The following TRIP11 variants were observed in gnomAD, a reference collection of about 807,000 sequenced individuals.
TRIP11 encodes the protein thyroid receptor-interacting protein 11.
Under a neutral mutation model 223.1 loss-of-function variants are expected in TRIP11, and 148 were observed. That is an observed-to-expected ratio of 0.66 (90% CI 0.58 to 0.76). The LOEUF is 0.76. Ranked by LOEUF, TRIP11 falls within the 30% of genes least tolerant of loss-of-function variation. The pLI, the probability that TRIP11 is intolerant of heterozygous loss-of-function variation, is 0.00. For synonymous variants in TRIP11, 762 were observed against 772.6 expected (o/e 0.99, Z 0.23); for missense variants, 2,043 against 2,222.0 (o/e 0.92, Z 1.62).
intron 16 of TRIP11, among the ~76,000 whole-genome samples, chr14:91,982,222 A>AC (rs2056554095): frequency 6.6e-6 from 1 of 152,216 alleles, no homozygotes. Flanking sequence ...CTCTTCCTTT[A>AC]ACCCTTTATT....
Position 92,003,684 on chromosome 14 carries a change from G to A in TRIP11, c.4292C>T (p.Thr1431Ile). 6.2e-7 allele frequency: 1 copy of A among 1,614,120 alleles called. No homozygotes were observed. Among genetic ancestry groups the A allele is most frequent in the Non-Finnish European group, 8.5e-7 (1 of 1,180,022 alleles). The part of the protein sequence containing the change: ...DQLLSSNENF[T>I]NKVNENELLR... ...AAGTTCGTTTTCATTTACTTTGTTA[G>A]TGAAATTTTCATTGGAAGAAAGTAG... The change falls in exon 11 of 21, where the codon ACT becomes ATT. Residue 1431 changes from threonine to isoleucine, a missense_variant. By Grantham distance (89) the Thr-to-Ile change is moderately conservative. Coordinates refer to ENST00000267622, the MANE Select transcript of TRIP11 (RefSeq NM_004239.4).
At chr14:91,997,706 TAC>T (rs1161437548) in intron 13 of TRIP11, among the ~76,000 whole-genome samples, 6 of 151,938 alleles carry the variant, frequency 3.9e-5, no homozygotes, top group Non-Finnish European at 8.8e-5. Flanking sequence ...AAGTGAGTAA[TAC>T]AGTTTGGCTG....
At chr14:91,974,582 G>A in intron 19 of TRIP11, 45 bp downstream of exon 19, 3 of 1,373,926 alleles carry the variant, frequency 2.2e-6, no homozygotes, top group South Asian at 1.2e-5. Context: ...GTAATATACA[G>A]TCATTTTACT....
At chr14:92,021,895 G>A in intron 3 of TRIP11, 64 bp from the exon 4 acceptor site, 3 of 1,547,204 alleles carry the variant, frequency 1.9e-6, no homozygotes, top group South Asian at 1.1e-5. Flanking sequence ...ACTTTTTATA[G>A]ATTTGTATTA....
chr14:91,998,221 G>A (rs542062836), intron 13 of TRIP11, among the ~76,000 whole-genome samples: 2 of 152,070 alleles, frequency 1.3e-5, no homozygotes, highest in Non-Finnish European at 2.9e-5. Context: ...AATACAAATG[G>A]ACACAATTTT....
chr14:91,996,570 C>T (rs2056754006), intron 13 of TRIP11, among the ~76,000 whole-genome samples: 1 of 152,104 alleles, frequency 6.6e-6, no homozygotes. Context: ...GAAAAAGGTA[C>T]AAATGAATAG....
Position 91,978,992 on chromosome 14 carries a change from C to CA in TRIP11, c.5261-2804dup, listed in dbSNP as rs2056501753. Among the ~76,000 whole-genome samples, 1 of 152,106 alleles carries CA rather than the reference C, an allele frequency of 6.6e-6. No individual in the cohort carries two copies. Among genetic ancestry groups the CA allele is most frequent in the Non-Finnish European group, 1.5e-5 (1 of 68,012 alleles). ...AAAAGAGAGGCTGGGCGCAGTGGCTCACGCTTGTAATCCCAGTGCTTTGCG... is the reference window on the plus strand; with the variant it reads ...AAAAGAGAGGCTGGGCGCAGTGGCTCAACGCTTGTAATCCCAGTGCTTTGCG... On this transcript the variant is annotated intron_variant, in intron 16 of 20. Transcript: ENST00000267622. This position sits in a 1 kb window ranked among gnomAD's most constrained non-coding sequence, Gnocchi z 4.4.
At chr14:91,998,691 TAAAAAA>T in intron 13 of TRIP11, among the ~76,000 whole-genome samples, 1 of 141,044 alleles carries the variant, frequency 7.1e-6, no homozygotes, top group Non-Finnish European at 1.6e-5. Flanking sequence ...TTTTTACAAC[TAAAAAA>T]AAAAAAACAA....
chr14:92,017,390 G>GA (rs2057048025), intron 5 of TRIP11, among the ~76,000 whole-genome samples: 1 of 151,986 alleles, frequency 6.6e-6, no homozygotes, highest in Non-Finnish European at 1.5e-5. Flanking sequence ...AAAAAAATCA[G>GA]AAAAAATTAG....
At chr14:91,976,539 C>T (rs1319633797) in intron 16 of TRIP11, among the ~76,000 whole-genome samples, 1 of 152,176 alleles carries the variant, frequency 6.6e-6, no homozygotes, top group Non-Finnish European at 1.5e-5. Flanking sequence ...TCCAGAGCCA[C>T]TCTTATTAAC....
intron 11 of TRIP11, among the ~76,000 whole-genome samples, chr14:92,001,500 T>G (rs551412039): frequency 6.6e-6 from 1 of 152,246 alleles, no homozygotes; most frequent in East Asian, 1.9e-4. Flanking sequence ...ATATTCAAGA[T>G]ATAATCTAAA....
chr14:91,997,380 T>C (rs1214500055), intron 13 of TRIP11, among the ~76,000 whole-genome samples: 2 of 152,108 alleles, frequency 1.3e-5, no homozygotes. Flanking sequence ...ACTTTACATT[T>C]CATTGGGTGG....
At chr14:91,992,782 A>G (rs995484777) in intron 15 of TRIP11, among the ~76,000 whole-genome samples, 43 of 151,652 alleles carry the variant, frequency 2.8e-4, no homozygotes, top group African/African-American at 9.9e-4. Context: ...GGTGGCGGGC[A>G]CCTGTAGTCC....
At chr14:91,975,026 C>G in intron 18 of TRIP11, 146 bp downstream of exon 18, 1 of 789,958 alleles carries the variant, frequency 1.3e-6, no homozygotes, top group Non-Finnish European at 2.2e-6. Flanking sequence ...ACAAATCTGC[C>G]TCTTCAATGT....
Position 92,039,571 on chromosome 14 carries a change from T to A in TRIP11, c.115A>T (p.Met39Leu), listed in dbSNP as rs17127898. 0.077 allele frequency: 124,589 copies of A among 1,613,740 alleles called. 5,390 individuals are homozygous for A. The highest frequency in any genetic ancestry group is 0.088 in the Non-Finnish European group (104,051 of 1,179,830). Reference protein sequence around the residue: ...QISNFTKDMLMEGTEEVEAEL... With the variant: ...QISNFTKDMLLEGTEEVEAEL... ...CCTTCCACTTCCTCCGTGCCCTCCATCAGCATATCCTTTGTAAAGTTTGAT... is the reference window on the plus strand; with the variant it reads ...CCTTCCACTTCCTCCGTGCCCTCCAACAGCATATCCTTTGTAAAGTTTGAT... Residue 39 changes from methionine to leucine, a missense_variant, in exon 1 of 21, where the codon ATG becomes TTG. Met to Leu is a conservative substitution (Grantham distance 15, BLOSUM62 2). Coordinates refer to ENST00000267622, the MANE Select transcript of TRIP11 (RefSeq NM_004239.4).
chr14:92,019,299 G>A (rs2140134982), intron 4 of TRIP11, among the ~76,000 whole-genome samples: 1 of 152,166 alleles, frequency 6.6e-6, no homozygotes, highest in Admixed American at 6.5e-5. Flanking sequence ...TAGGTTATCA[G>A]AATCACCAGG....
intron 11 of TRIP11, 147 bp from the exon 12 acceptor site, chr14:92,000,255 C>T (rs973975946): frequency 7.5e-7 from 1 of 1,325,370 alleles, no homozygotes; most frequent in African/African-American, 1.5e-5. Context: ...CAGAGAGACT[C>T]CTAGTTAATT....
rs767470353 is a variant in TRIP11, at chr14:92,004,331, T to C, written c.3645A>G (p.Lys1215=). 6.2e-7 allele frequency: 1 copy of C among 1,614,154 alleles called. No homozygotes were observed. The highest frequency in any genetic ancestry group is 1.1e-5 in the South Asian group (1 of 91,084). ...ACTCTTCCATTTTCTTTACTTGCTG[T>C]TTTAACTTGTCACGTTCCTGTAGAA... The part of the protein sequence containing the change: ...EELLQERDKL[K]QQVKKMEEWK... Residue 1215 remains lysine, a synonymous_variant, in exon 11 of 21, where the codon AAA becomes AAG. Coordinates refer to ENST00000267622, the MANE Select transcript of TRIP11 (RefSeq NM_004239.4).
chr14:91,992,133 A>G (rs577487461), intron 15 of TRIP11, among the ~76,000 whole-genome samples: 1 of 151,496 alleles, frequency 6.6e-6, no homozygotes, highest in African/African-American at 2.4e-5. Flanking sequence ...CTGAATTTAC[A>G]TATAGTTCAA....
Sources: gnomAD v4.1 joint callset for allele counts (sites outside exome capture counted in the v4.1 genomes callset) on GRCh38, gnomAD v4.1.1 for gene constraint, Gnocchi (gnomAD v3.1) non-coding constraint, MANE v1.5 for transcripts, NCBI Gene and HGNC (gene_info 2026-07-23, HGNC 2026-07-21) for gene names.